The following SYNE2 variants were observed in gnomAD, a reference collection of about 807,000 sequenced individuals.
The protein encoded by SYNE2 is nesprin-2.
Under a neutral mutation model 856.3 loss-of-function variants are expected in SYNE2, and 431 were observed. That is an observed-to-expected ratio of 0.50 (90% CI 0.47 to 0.55). The LOEUF (loss-of-function observed/expected upper bound fraction) is 0.55. SYNE2 is among the 20% of genes least tolerant of loss of function. The probability of loss-of-function intolerance (pLI) is 0.00; values close to 1 mark genes in which losing one functional copy is unlikely to be tolerated. For synonymous variants in SYNE2, 2,923 were observed against 2,872.3 expected (o/e 1.02, Z -0.56); for missense variants, 8,129 against 8,023.2 (o/e 1.01, Z -0.50).
chr14:64,028,152 G>T (rs550121349), intron 43 of SYNE2, among the ~76,000 whole-genome samples: 2 of 151,834 alleles, frequency 1.3e-5, no homozygotes, highest in South Asian at 4.1e-4. Context: ...TGATCCTCCC[G>T]CCTTGGCCTC....
chr14:64,180,924 T>A (rs2153737245), intron 96 of SYNE2, among the ~76,000 whole-genome samples: 1 of 152,370 alleles, frequency 6.6e-6, no homozygotes, highest in South Asian at 2.1e-4. Context: ...TCCTAACTGA[T>A]TATTGCTGAT....
rs756775041 is a variant in SYNE2, at chr14:64,214,360, C to A, written c.19223C>A (p.Thr6408Asn). ...APGHERSGCE[T>N]PVSVDSIPLE... ...GGGCACGAGCGGTCTGGCTGCGAGA[C>A]CCCTGTCAGCGTGGACTCCATCCCC... Residue 6408 changes from threonine to asparagine, a missense_variant, in exon 106 of 116, where the codon ACC becomes AAC. Physicochemically the swap from Thr to Asn is moderately conservative, Grantham distance 65. This residue lies in a region of SYNE2 where 5,410 missense variants were observed against 5,284.8 expected (regional missense o/e 1.02). Coordinates refer to ENST00000555002, the MANE Select transcript of SYNE2 (RefSeq NM_182914.3). The A allele has an allele frequency of 6.2e-7, 1 of 1,614,110 alleles. No individual in the cohort carries two copies.
rs749293656 is a variant in SYNE2 at position 64,065,658 on chromosome 14, C to T, written c.10431+8C>T. On this transcript the variant is annotated splice_region_variant and intron_variant, in intron 51 of 115. Transcript: ENST00000555002. The stretch of plus-strand genomic sequence containing the variant: ...AAATTTGTCAGTGAAGAAGTGAGTG[C>T]TTCATTTTCAACAAACCATGTAGTT... 1 of 1,613,768 alleles carries T rather than the reference C, an allele frequency of 6.2e-7. No homozygotes were observed. Among genetic ancestry groups the T allele is most frequent in the South Asian group, 1.1e-5 (1 of 91,030 alleles).
In SYNE2 at chr14:64,020,070, A is replaced by G. The variant is rs2096925051; in HGVS notation, c.5128A>G (p.Ser1710Gly). Reference sequence around the variant, plus strand: ...TGAAATACAGTTTTTGCTCCAAAGCAGTGAAATACCTCTTGAATTGCAGGT... The same window carrying G: ...TGAAATACAGTTTTTGCTCCAAAGCGGTGAAATACCTCTTGAATTGCAGGT... ...VAEIQFLLQS[S>G]EIPLELQVME... Residue 1710 changes from serine (S) to glycine (G), a missense_variant, in exon 35 of 116, where the codon AGT becomes GGT. Ser to Gly is a moderately conservative substitution (Grantham distance 56). Transcript: ENST00000555002. 1 of 1,613,460 alleles carries G rather than the reference A, an allele frequency of 6.2e-7. No homozygotes were observed. Among genetic ancestry groups the G allele is most frequent in the Non-Finnish European group, 8.5e-7 (1 of 1,179,502 alleles).
chr14:63,805,862 A>T lies in SYNE2; in HGVS notation c.-305+43876A>T, dbSNP rs190286117. 3.9e-3 allele frequency among the ~76,000 whole-genome samples: 594 copies of T among 152,358 alleles called. 9 individuals carry two copies. Among genetic ancestry groups the T allele is most frequent in the African/African-American group, 0.013 (558 of 41,586 alleles). ...TGAAACTTTGTTGAAGTTGTCGATC[A>T]GATCTAGAAACTTTTGGGCAGAGGC... is the stretch of plus-strand genomic sequence containing the variant. On this transcript the variant is annotated intron_variant, in intron 1 of 23. Transcript: ENST00000674003.
chr14:63,967,066 A>G lies in SYNE2; in HGVS notation c.991-643A>G, dbSNP rs149335011. The stretch of plus-strand genomic sequence containing the variant: ...TTTTTAGTAGAGACGGGGTTTCATC[A>G]TGTTGGCCAGGATGGTCTCAATCTC... On this transcript the variant is annotated intron_variant, in intron 10 of 115. Transcript: ENST00000555002. Among the ~76,000 whole-genome samples the G allele has an allele frequency of 5.1e-3, 779 of 151,784 alleles. 4 individuals carry two copies. Among genetic ancestry groups the G allele is most frequent in the African/African-American group, 0.018 (739 of 41,382 alleles).
At chr14:63,877,651 T>C (rs555965920) in intron 1 of SYNE2, among the ~76,000 whole-genome samples, 1 of 152,356 alleles carries the variant, frequency 6.6e-6, no homozygotes, top group South Asian at 2.1e-4. Flanking sequence ...CTCATAGGAA[T>C]GTTGAAAGTC....
chr14:64,090,805 T>C (rs2097605561), intron 59 of SYNE2, 61 bp from the exon 60 acceptor site: 5 of 1,434,492 alleles, frequency 3.5e-6, no homozygotes, highest in Middle Eastern at 1.8e-4. Context: ...TTTGAATAAT[T>C]AAATTTAACA....
In SYNE2 at chr14:63,804,790, A is replaced by G. The variant is rs560373570; in HGVS notation, c.-305+42804A>G. ...ATTACGGGTGTGAGCCACTGTGCCC[A>G]GCCTTCCTAGGTTTTCTTCTAGGGT... On this transcript the variant is annotated intron_variant, in intron 1 of 23. Coordinates refer to the SYNE2 transcript ENST00000674003. Among the ~76,000 whole-genome samples, 3 of 152,226 alleles carry G rather than the reference A, an allele frequency of 2.0e-5. No individual in the cohort carries two copies. In the South Asian group the frequency reaches 6.2e-4, roughly 32 times the overall value.
intron 52 of SYNE2, among the ~76,000 whole-genome samples, chr14:64,072,330 T>C (rs1189163478): frequency 6.6e-6 from 1 of 152,170 alleles, no homozygotes; most frequent in African/African-American, 2.4e-5. Context: ...ACCATGTTGG[T>C]TATGGGGGTT....
intron 45 of SYNE2, among the ~76,000 whole-genome samples, chr14:64,033,376 C>G (rs1019339897): frequency 2.0e-5 from 3 of 152,200 alleles, no homozygotes; most frequent in Admixed American, 1.3e-4. Flanking sequence ...AGATCATAAT[C>G]TAAAAATAAG....
intron 2 of SYNE2, among the ~76,000 whole-genome samples, chr14:63,938,393 CTGCACTCCAGCTTGAGCAACAGAG>C (rs1173913584): frequency 6.6e-6 from 1 of 152,154 alleles, no homozygotes; most frequent in Non-Finnish European, 1.5e-5. Flanking sequence ...GATCACACCC[CTGCACTCCAGCTTGAGCAACAGAG>C]TGAGACCTTG....
At chr14:64,060,453 G>T (rs1200224723) in intron 49 of SYNE2, among the ~76,000 whole-genome samples, 1 of 152,096 alleles carries the variant, frequency 6.6e-6, no homozygotes, top group Non-Finnish European at 1.5e-5. Context: ...TAGGAGCTAG[G>T]GCCTGGAATG....
chr14:64,210,290 G>A (rs1038786872), intron 103 of SYNE2, among the ~76,000 whole-genome samples, 166 bp downstream of exon 103: 3 of 152,228 alleles, frequency 2.0e-5, no homozygotes, highest in Non-Finnish European at 4.4e-5. Context: ...GCCAACGTTC[G>A]TTTTTTAAAA....
chr14:63,997,486 A>C, intron 25 of SYNE2, 95 bp downstream of exon 25: 1 of 1,020,076 alleles, frequency 9.8e-7, no homozygotes, highest in Admixed American at 2.0e-5. Context: ...GTTGGTTTTA[A>C]TTATTCGATT....
At chr14:64,168,756 A>AT (rs2098395909) in intron 92 of SYNE2, 121 bp from the exon 93 acceptor site, 1 of 726,476 alleles carries the variant, frequency 1.4e-6, no homozygotes, top group African/African-American at 1.8e-5. Context: ...GGTTCAAATA[A>AT]TATGAAAATT....
At chr14:63,997,241 CTTG>C in intron 24 of SYNE2, 57 bp from the exon 25 acceptor site, 2 of 1,583,864 alleles carry the variant, frequency 1.3e-6, no homozygotes, top group Non-Finnish European at 1.7e-6. Context: ...GTTAGTCATG[CTTG>C]TTTAGGTTTC....
chr14:64,207,035 A>G (rs1265007146), intron 100 of SYNE2, among the ~76,000 whole-genome samples: 1 of 152,202 alleles, frequency 6.6e-6, no homozygotes, highest in African/African-American at 2.4e-5. Context: ...CCATTCGAGC[A>G]TATCAGGCAT....
At chr14:63,899,038 C>T (rs1315210244) in intron 1 of SYNE2, among the ~76,000 whole-genome samples, 3 of 152,142 alleles carry the variant, frequency 2.0e-5, no homozygotes, top group African/African-American at 4.8e-5. Context: ...ATAGTTAACT[C>T]TCCATTCCCT....
Sources: gnomAD v4.1 joint callset for allele counts (sites outside exome capture counted in the v4.1 genomes callset) on GRCh38, gnomAD v4.1.1 for gene constraint, gnomAD v4.1.1 regional missense constraint, MANE v1.5 for transcripts, NCBI Gene and HGNC (gene_info 2026-07-23, HGNC 2026-07-21) for gene names.